Variants in ITGA11 observed in about 807,000 individuals in gnomAD.
ITGA11 encodes the protein integrin subunit alpha 11.
ITGA11 carries 97 observed loss-of-function variants against 141.9 expected under a neutral mutation model. That is an observed-to-expected ratio of 0.68 (90% CI 0.58 to 0.81). ITGA11 has a LOEUF of 0.81. ITGA11 is among the 30% of genes least tolerant of loss of function. The pLI, the probability that ITGA11 is intolerant of heterozygous loss-of-function variation, is 0.00. For missense variants in ITGA11, 1,387 were observed against 1,559.2 expected, an observed-to-expected ratio of 0.89 and a Z score of 1.86; for synonymous variants, 658 against 624.6, an observed-to-expected ratio of 1.05 and a Z score of -0.80.
intron 1 of ITGA11, among the ~76,000 whole-genome samples, chr15:68,417,649 T>C (rs1002147107): frequency 1.3e-5 from 2 of 152,138 alleles, no homozygotes; most frequent in African/African-American, 4.8e-5. Context: ...CACCAGGCCC[T>C]GCGGATTTGC....
chr15:68,317,515 G>A (rs1462643521), intron 20 of ITGA11, among the ~76,000 whole-genome samples, 152 bp from the exon 21 acceptor site: 3 of 151,930 alleles, frequency 2.0e-5, no homozygotes, highest in Non-Finnish European at 2.9e-5. Context: ...CCCTTCTGAT[G>A]TCTGAGACCC....
At chr15:68,418,014 A>G (rs772698967) in intron 1 of ITGA11, among the ~76,000 whole-genome samples, 1 of 152,210 alleles carries the variant, frequency 6.6e-6, no homozygotes, top group Non-Finnish European at 1.5e-5. Flanking sequence ...TGTGTGCTGG[A>G]GTCTGCATAC....
chr15:68,422,148 C>A (rs966797655), intron 1 of ITGA11, among the ~76,000 whole-genome samples: 2 of 152,168 alleles, frequency 1.3e-5, no homozygotes, highest in African/African-American at 4.8e-5. Context: ...CACTCAGGCC[C>A]GCACCACTGA....
At chr15:68,367,626 T>G (rs948629979) in intron 3 of ITGA11, among the ~76,000 whole-genome samples, 1 of 152,216 alleles carries the variant, frequency 6.6e-6, no homozygotes, top group Non-Finnish European at 1.5e-5. Flanking sequence ...CTTCTTAATT[T>G]GCCTACCCGA....
intron 28 of ITGA11, among the ~76,000 whole-genome samples, chr15:68,306,516 C>T (rs1000175952): frequency 5.9e-5 from 9 of 152,220 alleles, no homozygotes; most frequent in Non-Finnish European, 8.8e-5. Flanking sequence ...TGCACTCACC[C>T]ATTTATTGTC....
intron 1 of ITGA11, among the ~76,000 whole-genome samples, chr15:68,411,795 G>A (rs367864688): frequency 5.9e-5 from 9 of 152,300 alleles, no homozygotes; most frequent in African/African-American, 1.9e-4. Context: ...CAGAAATAAT[G>A]TGTGCCCATT....
At chr15:68,345,030 G>A (rs887935433) in intron 10 of ITGA11, among the ~76,000 whole-genome samples, 1 of 151,922 alleles carries the variant, frequency 6.6e-6, no homozygotes, top group Non-Finnish European at 1.5e-5. Context: ...AGGCCCATGG[G>A]ATTACAGAGT....
At chr15:68,311,158 T>C in intron 25 of ITGA11, 78 bp from the exon 26 acceptor site, 1 of 1,349,186 alleles carries the variant, frequency 7.4e-7, no homozygotes, top group African/African-American at 1.4e-5. Context: ...CCCAGAGAGG[T>C]TTCTTTTCTC....
chr15:68,318,137 G>A (rs181970241), intron 20 of ITGA11, among the ~76,000 whole-genome samples: 21 of 152,244 alleles, frequency 1.4e-4, no homozygotes, highest in African/African-American at 3.1e-4. Flanking sequence ...AGCCATGAGC[G>A]TTTCCTGGGT....
At chr15:68,316,524 T>G (rs1424327816) in intron 21 of ITGA11, among the ~76,000 whole-genome samples, 1 of 152,226 alleles carries the variant, frequency 6.6e-6, no homozygotes, top group Non-Finnish European at 1.5e-5. Flanking sequence ...CCAGAGCTCC[T>G]GGGTTTGTCG....
At chr15:68,331,145 C>G in intron 14 of ITGA11, 34 bp from the exon 15 acceptor site, 1 of 1,535,584 alleles carries the variant, frequency 6.5e-7, no homozygotes, top group Non-Finnish European at 8.8e-7. Context: ...GGAGGGCATG[C>G]ACACTGTGAG....
chr15:68,332,145 G>A, intron 13 of ITGA11, 83 bp from the exon 14 acceptor site: 1 of 1,314,694 alleles, frequency 7.6e-7, no homozygotes, highest in Non-Finnish European at 1.1e-6. Flanking sequence ...GGCTGCTCCG[G>A]CATCCTCTCA....
rs902568957 is a variant in ITGA11 at position 68,300,333 on chromosome 15, A to G, written c.*2726T>C. On this transcript the variant is annotated 3_prime_UTR_variant, in exon 30 of 30. Transcript: ENST00000315757. ...TCTTCATCTTACAGCCTGGATATTC[A>G]CTTACCTGTTGATTGCAACTCTCAG... 4.6e-5 allele frequency: 7 copies of G among 152,142 alleles called. No individual in the cohort carries two copies. The highest frequency in any genetic ancestry group is 1.7e-4 in the African/African-American group (7 of 41,426). The allele number at this position is 152,142 out of a possible 1,614,324, so 9.4% of individuals were successfully genotyped here. A position where few individuals can be genotyped will look rare whatever the true frequency, so the allele number is the denominator to read the frequency against.
rs760900276 is a variant in ITGA11 at position 68,325,244 on chromosome 15, G to A, written c.2212-3C>T. ...GGCTTCACGTAGTCAGCAGTGTCCTGGGGGGTGGAGATGAGGGCAGCGGTG... is the reference window on the plus strand; with the variant it reads ...GGCTTCACGTAGTCAGCAGTGTCCTAGGGGGTGGAGATGAGGGCAGCGGTG... On this transcript the variant is annotated splice_region_variant and splice_polypyrimidine_tract_variant and intron_variant, in intron 17 of 29. Transcript: ENST00000315757. The surrounding 1 kb of genome is among the most constrained non-coding windows in gnomAD (Gnocchi z 5.5). 1.9e-6 allele frequency: 3 copies of A among 1,601,762 alleles called. No homozygotes were observed. The highest frequency in any genetic ancestry group is 2.7e-5 in the African/African-American group (2 of 74,678).
chr15:68,315,270 A>G (rs1893533502), intron 22 of ITGA11, among the ~76,000 whole-genome samples: 1 of 152,188 alleles, frequency 6.6e-6, no homozygotes, highest in African/African-American at 2.4e-5. Context: ...AACTTGGAAG[A>G]TGGTGTGTGG....
At chr15:68,391,493 T>A (rs945794661) in intron 2 of ITGA11, among the ~76,000 whole-genome samples, 17 of 152,232 alleles carry the variant, frequency 1.1e-4, no homozygotes, top group African/African-American at 3.9e-4. Context: ...CTGGCTGGGT[T>A]TCTGCTGTGA....
At chr15:68,332,238 A>G in intron 13 of ITGA11, 100 bp downstream of exon 13, 2 of 1,406,966 alleles carry the variant, frequency 1.4e-6, no homozygotes, top group Non-Finnish European at 1.9e-6. Flanking sequence ...GCCTGGCTCC[A>G]GCACTGGCCT....
chr15:68,336,661 T>C (rs898585), intron 11 of ITGA11, among the ~76,000 whole-genome samples: 131,690 of 152,242 alleles, frequency 0.87, 57,045 homozygotes, highest in South Asian at 0.92. Context: ...ATCCTAGAAT[T>C]CCACTTTCTG....
chr15:68,303,710 G>T lies in ITGA11; in HGVS notation c.3495+62C>A. ...GTGGCAGCGGCCACGAAGTTCCAGG[G>T]GCTGGAGCCTGGGCCCACCAGCCAG... is the stretch of plus-strand genomic sequence containing the variant. On this transcript the variant is annotated intron_variant, in intron 29 of 29. Coordinates refer to ENST00000315757, the MANE Select transcript of ITGA11 (RefSeq NM_001004439.2). The surrounding 1 kb of genome is among the most constrained non-coding windows in gnomAD (Gnocchi z 5.3). The T allele has an allele frequency of 8.3e-7, 1 of 1,206,770 alleles. No homozygotes were observed. Among genetic ancestry groups the T allele is most frequent in the Non-Finnish European group, 1.2e-6 (1 of 828,530 alleles). 74.8% of individuals were successfully genotyped at this position (1,206,770 alleles called of 1,614,324 possible).
Sources: gnomAD v4.1 joint callset for allele counts (sites outside exome capture counted in the v4.1 genomes callset) on GRCh38, gnomAD v4.1.1 for gene constraint, Gnocchi (gnomAD v3.1) non-coding constraint, MANE v1.5 for transcripts, NCBI Gene and HGNC (gene_info 2026-07-23, HGNC 2026-07-21) for gene names.